Variants in UNC45B observed in about 807,000 individuals in gnomAD.
UNC45B encodes the protein unc-45 myosin chaperone B.
In UNC45B, 78 loss-of-function variants were observed where a neutral mutation model predicts 98.7. That is an observed-to-expected ratio of 0.79 (90% CI 0.66 to 0.95). The LOEUF (loss-of-function observed/expected upper bound fraction) is 0.95, where lower values mean the gene tolerates loss of function less well. Ranked by LOEUF, UNC45B falls within the 40% of genes least tolerant of loss-of-function variation. UNC45B has a pLI of 0.00. For missense variants in UNC45B, 1,225 were observed against 1,184.9 expected (o/e 1.03, Z -0.50); for synonymous variants, 462 against 480.4 (o/e 0.96, Z 0.50).
intron 9 of UNC45B, among the ~76,000 whole-genome samples, chr17:35,167,340 G>A (rs1469212725): frequency 6.6e-6 from 1 of 152,200 alleles, no homozygotes; most frequent in Non-Finnish European, 1.5e-5. Context: ...CTCACACCAG[G>A]CTAGTTGAGG....
chr17:35,154,502 G>A lies in UNC45B; in HGVS notation c.472-72G>A, dbSNP rs957586380. ...TCCAGTCTTTGCACTGGCTCTTCTT[G>A]TACTTGGCCCATGGTCCAGGCCTGG... is the stretch of plus-strand genomic sequence containing the variant. On this transcript the variant is annotated intron_variant, in intron 5 of 19. Coordinates refer to ENST00000394570, the MANE Select transcript of UNC45B (RefSeq NM_001267052.2). 8 of 1,446,566 alleles carry A rather than the reference G, an allele frequency of 5.5e-6. No homozygotes were observed. In the African/African-American group the frequency reaches 5.8e-5, roughly 11 times the overall value. 89.6% of individuals were successfully genotyped at this position (1,446,566 alleles called of 1,614,324 possible).
At chr17:35,155,101 C>T (rs1489612605) in intron 6 of UNC45B, among the ~76,000 whole-genome samples, 195 bp from the exon 7 acceptor site, 2 of 152,256 alleles carry the variant, frequency 1.3e-5, no homozygotes, top group Admixed American at 1.3e-4. Flanking sequence ...TGGCACAGCT[C>T]TGACCTCCAG....
chr17:35,167,987 T>C, intron 9 of UNC45B, 74 bp from the exon 10 acceptor site: 1 of 1,356,962 alleles, frequency 7.4e-7, no homozygotes, highest in Non-Finnish European at 9.6e-7. Context: ...ATCCAAATCC[T>C]ACTGCCTCCA....
intron 15 of UNC45B, 81 bp from the exon 16 acceptor site, chr17:35,176,936 C>G: frequency 8.9e-7 from 1 of 1,117,620 alleles, no homozygotes; most frequent in African/African-American, 1.5e-5. Flanking sequence ...ATGGGACAGA[C>G]AGACAGCACC....
intron 14 of UNC45B, among the ~76,000 whole-genome samples, chr17:35,174,631 G>A (rs1000557063): frequency 2.0e-5 from 3 of 152,030 alleles, no homozygotes; most frequent in African/African-American, 7.3e-5. Flanking sequence ...ACTAGCTTGG[G>A]AAACATATTG....
Position 35,169,825 on chromosome 17 carries a change from T to A in UNC45B, c.1453-12T>A, listed in dbSNP as rs1462060283. ...GATCCTGCATGTGTCTGCTGTCTCC[T>A]CTCCTCCTCAGGGACTCTGTAAGCT... On this transcript the variant is annotated splice_polypyrimidine_tract_variant and intron_variant, in intron 10 of 19. Coordinates refer to ENST00000394570, the MANE Select transcript of UNC45B (RefSeq NM_001267052.2). The A allele has an allele frequency of 3.1e-6, 5 of 1,613,542 alleles. No homozygotes were observed. Among genetic ancestry groups the A allele is most frequent in the Non-Finnish European group, 4.2e-6 (5 of 1,179,584 alleles).
At chr17:35,176,943 C>A in intron 15 of UNC45B, 74 bp from the exon 16 acceptor site, 1 of 1,177,434 alleles carries the variant, frequency 8.5e-7, no homozygotes, top group Admixed American at 1.9e-5. Context: ...AGACAGACAG[C>A]ACCTGGAGCA....
chr17:35,156,991 C>T (rs1007774371), intron 7 of UNC45B, among the ~76,000 whole-genome samples: 3 of 152,070 alleles, frequency 2.0e-5, no homozygotes, highest in African/African-American at 7.2e-5. Context: ...CATGCTTCTC[C>T]GTGCACATCC....
chr17:35,149,947 C>A, intron 3 of UNC45B, 101 bp from the exon 4 acceptor site: 2 of 1,284,414 alleles, frequency 1.6e-6, no homozygotes, highest in Non-Finnish European at 2.1e-6. Context: ...AAGGAAGACA[C>A]AGAAACGAAG....
chr17:35,186,195 A>G, intron 19 of UNC45B, 104 bp from the exon 20 acceptor site: 1 of 1,465,818 alleles, frequency 6.8e-7, no homozygotes, highest in Non-Finnish European at 9.3e-7. Context: ...CTCTTAAAGG[A>G]CCCACCTCCT....
intron 16 of UNC45B, 135 bp from the exon 17 acceptor site, chr17:35,177,360 A>G (rs2092241996): frequency 2.8e-6 from 2 of 724,432 alleles, no homozygotes; most frequent in Non-Finnish European, 4.6e-6. Flanking sequence ...CCTGCCTGTC[A>G]GGATCATTGT....
intron 8 of UNC45B, among the ~76,000 whole-genome samples, chr17:35,161,692 T>C (rs2092103453): frequency 6.6e-6 from 1 of 152,192 alleles, no homozygotes; most frequent in African/African-American, 2.4e-5. Context: ...AAGTATCTTT[T>C]TGTATGCTCA....
At chr17:35,166,086 T>TAAAAAAA (rs55844448) in intron 9 of UNC45B, among the ~76,000 whole-genome samples, 1,323 of 58,026 alleles carry the variant, frequency 0.023, 38 homozygotes, top group East Asian at 0.084. Context: ...CCCTCATCTC[T>TAAAAAAA]AAAAAAAAAA....
chr17:35,147,977 G>A (rs2091985791), intron 1 of UNC45B, 67 bp downstream of exon 1: 1 of 414,098 alleles, frequency 2.4e-6, no homozygotes, highest in South Asian at 3.0e-5. Context: ...GACCTGCAAT[G>A]AGAGTTCAGG....
intron 12 of UNC45B, among the ~76,000 whole-genome samples, chr17:35,170,907 C>A (rs557639530): frequency 6.6e-6 from 1 of 152,244 alleles, no homozygotes; most frequent in Non-Finnish European, 1.5e-5. Context: ...CAGGCCCCCC[C>A]AGACTCCTTT....
rs1184918616 is a variant in UNC45B, at chr17:35,148,438, G to A, written c.168+7G>A. The A allele has an allele frequency of 3.1e-6, 5 of 1,612,954 alleles. No individual in the cohort carries two copies. The highest frequency in any genetic ancestry group is 4.2e-6 in the Non-Finnish European group (5 of 1,179,586). On this transcript the variant is annotated splice_region_variant and intron_variant, in intron 2 of 19. Transcript: ENST00000394570. ...AGCCTGTGGCCTGAAAACGGTCTGG[G>A]GCAGGGCAGGGCACAGGGTGGGAGT... is the stretch of plus-strand genomic sequence containing the variant.
In UNC45B at chr17:35,177,053, G is replaced by T. The variant is rs1480618813; in HGVS notation, c.2062G>T (p.Gly688Cys). Reference sequence around the variant, plus strand: ...CCTGGCTTTGGAGGGCACAGATGTGGGCAAGGTGAAGGCAGCCCACGCTCT... The same window carrying T: ...CCTGGCTTTGGAGGGCACAGATGTGTGCAAGGTGAAGGCAGCCCACGCTCT... ...IPLALEGTDVGKVKAAHALAK... is the reference protein window; with the variant it reads ...IPLALEGTDVCKVKAAHALAK... The change falls in exon 16 of 20, where the codon GGC becomes TGC. Residue 688 changes from glycine (G) to cysteine (C), a missense_variant. By Grantham distance (159) the Gly-to-Cys change is radical. Coordinates refer to ENST00000394570, the MANE Select transcript of UNC45B (RefSeq NM_001267052.2). The T allele has an allele frequency of 6.2e-7, 1 of 1,614,176 alleles. No homozygotes were observed. Among genetic ancestry groups the T allele is most frequent in the Non-Finnish European group, 8.5e-7 (1 of 1,180,028 alleles).
intron 18 of UNC45B, among the ~76,000 whole-genome samples, chr17:35,181,894 G>A (rs1441156588): frequency 1.3e-5 from 2 of 152,044 alleles, no homozygotes; most frequent in African/African-American, 2.4e-5. Flanking sequence ...CAGCCATAGG[G>A]GAGACAGAGA....
At chr17:35,185,311 T>G (rs558018298) in intron 19 of UNC45B, among the ~76,000 whole-genome samples, 1 of 114,078 alleles carries the variant, frequency 8.8e-6, no homozygotes, top group South Asian at 2.9e-4. Flanking sequence ...TTTATTTTTA[T>G]TTTTATTTTT....
Sources: allele counts gnomAD v4.1 joint callset (sites outside exome capture counted in the v4.1 genomes callset), GRCh38; gene constraint gnomAD v4.1.1; transcripts MANE v1.5; gene names NCBI Gene and HGNC (gene_info 2026-07-23, HGNC 2026-07-21).